Variants in NPY2R observed in about 807,000 individuals in gnomAD.
NPY2R encodes neuropeptide Y receptor Y2.
NPY2R carries 17 observed loss-of-function variants against 22.3 expected under a neutral mutation model. That is an observed-to-expected ratio of 0.76 (90% CI 0.52 to 1.14). NPY2R has a LOEUF of 1.14. Ranked by LOEUF, NPY2R falls within the 50% of genes most tolerant of loss-of-function variation. The pLI, the probability that NPY2R is intolerant of heterozygous loss-of-function variation, is 0.00. For synonymous variants in NPY2R, 209 were observed against 183.4 expected, an observed-to-expected ratio of 1.14 and a Z score of -1.13; for missense variants, 424 against 467.9, an observed-to-expected ratio of 0.91 and a Z score of 0.87.
upstream of NPY2R, chr4:155,207,530 T>G (rs1271757926): frequency 6.6e-6 from 1 of 152,238 alleles, no homozygotes; most frequent in African/African-American, 2.4e-5. Context: ...TACTGCCTCC[T>G]CTTAAAACCA....
the NPY2R span, among the ~76,000 whole-genome samples, chr4:155,187,660 A>C: frequency 7.9e-5 from 12 of 152,146 alleles, no homozygotes; most frequent in Non-Finnish European, 1.8e-4. Context: ...AATTTTCAAA[A>C]TGTAAAAATA....
chr4:155,200,976 A>T, the NPY2R span, among the ~76,000 whole-genome samples: 1 of 152,094 alleles, frequency 6.6e-6, no homozygotes, highest in Non-Finnish European at 1.5e-5. Flanking sequence ...CCTACGTAAC[A>T]AACCTACACG....
upstream of NPY2R, among the ~76,000 whole-genome samples, chr4:155,205,305 T>C (rs1294756400): frequency 6.6e-6 from 1 of 152,246 alleles, no homozygotes; most frequent in Non-Finnish European, 1.5e-5. Context: ...TTCTATGATG[T>C]TTTTGTTTAT....
the NPY2R span, among the ~76,000 whole-genome samples, chr4:155,176,837 C>T: frequency 3.0e-4 from 46 of 152,132 alleles, no homozygotes; most frequent in Non-Finnish European, 5.1e-4. Flanking sequence ...TGCCTTGCTG[C>T]TGCATCTTCC....
the NPY2R span, among the ~76,000 whole-genome samples, chr4:155,174,779 G>T: frequency 1.0e-3 from 156 of 152,012 alleles, no homozygotes; most frequent in Middle Eastern, 3.4e-3. Flanking sequence ...GTTCAGGAAA[G>T]AAAGGATGTG....
upstream of NPY2R, among the ~76,000 whole-genome samples, chr4:155,204,008 C>CTCTTCCTCCCTTCCTCAAATT (rs1026091797): frequency 1.3e-5 from 2 of 152,142 alleles, no homozygotes; most frequent in Non-Finnish European, 2.9e-5. Context: ...TGGTCCTGTG[C>CTCTTCCTCCCTTCCTCAAATT]TCTTCCTCCC....
At chr4:155,174,578 C>G in the NPY2R span, among the ~76,000 whole-genome samples, 34 of 149,818 alleles carry the variant, frequency 2.3e-4, no homozygotes, top group South Asian at 1.3e-3. Flanking sequence ...AGAACTTTTA[C>G]TATATAAGGC....
rs532462398 is a variant in NPY2R at position 155,216,939 on chromosome 4, A to G, written c.*1854A>G. ...AGAAATGTATATGCTACTGTGTTACATGTTGTATTAGTAAATTATTAGAAT... is the reference window on the plus strand; with the variant it reads ...AGAAATGTATATGCTACTGTGTTACGTGTTGTATTAGTAAATTATTAGAAT... On this transcript the variant is annotated 3_prime_UTR_variant, in exon 2 of 2. Coordinates refer to ENST00000329476, the MANE Select transcript of NPY2R (RefSeq NM_000910.4). 1 of 167,210 alleles carries G rather than the reference A, an allele frequency of 6.0e-6. No individual in the cohort carries two copies. The highest frequency in any genetic ancestry group is 1.5e-5 in the Non-Finnish European group (1 of 68,106). The allele number at this position is 167,210 out of a possible 1,614,324, so 10.4% of individuals were successfully genotyped here.
At chr4:155,211,491 G>C (rs1335176861) in intron 1 of NPY2R, among the ~76,000 whole-genome samples, 3 of 152,162 alleles carry the variant, frequency 2.0e-5, no homozygotes, top group Non-Finnish European at 2.9e-5. Context: ...GGGATATGCA[G>C]GGATGAGTTC....
At chr4:155,194,150 C>A in the NPY2R span, among the ~76,000 whole-genome samples, 1 of 150,064 alleles carries the variant, frequency 6.7e-6, no homozygotes, top group African/African-American at 2.4e-5. Context: ...AAGCAGATGG[C>A]ACACATTTTC....
chr4:155,174,479 T>C, the NPY2R span, among the ~76,000 whole-genome samples: 1 of 90,816 alleles, frequency 1.1e-5, no homozygotes, highest in Admixed American at 1.2e-4. Flanking sequence ...TATATATATA[T>C]ATATATTTTT....
rs1729512216 is a variant in NPY2R at position 155,216,287 on chromosome 4, A to G, written c.*1202A>G. On this transcript the variant is annotated 3_prime_UTR_variant, in exon 2 of 2. Coordinates refer to ENST00000329476, the MANE Select transcript of NPY2R (RefSeq NM_000910.4). ...TATATAATATGAATATATACATAAA[A>G]ATTGTTTCTATAAATTGTAGAACAT... 1 of 166,634 alleles carries G rather than the reference A, an allele frequency of 6.0e-6. No individual in the cohort carries two copies. The highest frequency in any genetic ancestry group is 1.5e-5 in the Non-Finnish European group (1 of 68,018). 10.3% of individuals were successfully genotyped at this position (166,634 alleles called of 1,614,324 possible).
the NPY2R span, among the ~76,000 whole-genome samples, chr4:155,182,338 C>A: frequency 3.3e-5 from 5 of 152,200 alleles, no homozygotes; most frequent in South Asian, 8.3e-4. Flanking sequence ...CACTAACTAC[C>A]CCTAAAAGCA....
the NPY2R span, among the ~76,000 whole-genome samples, chr4:155,201,210 G>A: frequency 6.6e-6 from 1 of 152,026 alleles, no homozygotes; most frequent in East Asian, 1.9e-4. Context: ...TGATCTTAGA[G>A]ACTTGTTTCC....
chr4:155,191,181 C>G, the NPY2R span, among the ~76,000 whole-genome samples: 1 of 151,830 alleles, frequency 6.6e-6, no homozygotes, highest in Non-Finnish European at 1.5e-5. Flanking sequence ...AATGGAGATG[C>G]ATTCTCCCAA....
the NPY2R span, among the ~76,000 whole-genome samples, chr4:155,195,963 T>G: frequency 0.012 from 1,752 of 152,146 alleles, 37 homozygotes; most frequent in African/African-American, 0.041. Flanking sequence ...GTAGAATGGA[T>G]TCCAGAAAAC....
the NPY2R span, among the ~76,000 whole-genome samples, chr4:155,199,822 G>A: frequency 2.6e-5 from 4 of 152,186 alleles, no homozygotes; most frequent in South Asian, 2.1e-4. Context: ...AACTGAAACT[G>A]GACCCCTTCC....
At chr4:155,203,503 C>T in the NPY2R span, among the ~76,000 whole-genome samples, 3 of 152,106 alleles carry the variant, frequency 2.0e-5, no homozygotes, top group South Asian at 6.2e-4. Flanking sequence ...AAGTAGTACA[C>T]TTATATAGAC....
Position 155,214,180 on chromosome 4 carries a change from A to T in NPY2R, c.241A>T (p.Met81Leu), listed in dbSNP as rs1560765021. Residue 81 changes from methionine to leucine, a missense_variant, in exon 2 of 2, where the codon ATG (methionine) becomes TTG (leucine). Met to Leu is a conservative substitution (Grantham distance 15). Transcript: ENST00000329476. ...VIHVVIKFKS[M>L]RTVTNFFIAN... ...CCATGTGGTGATCAAATTCAAGAGC[A>T]TGCGCACAGTAACCAACTTTTTCAT... 6.2e-7 allele frequency: 1 copy of T among 1,614,090 alleles called. No homozygotes were observed. Among genetic ancestry groups the T allele is most frequent in the Non-Finnish European group, 8.5e-7 (1 of 1,179,944 alleles).
Sources: gnomAD v4.1 joint callset for allele counts (sites outside exome capture counted in the v4.1 genomes callset) on GRCh38, gnomAD v4.1.1 for gene constraint, MANE v1.5 for transcripts, NCBI Gene and HGNC (gene_info 2026-07-23, HGNC 2026-07-21) for gene names.